ZFHX3: variants seen among roughly 807,000 people sequenced by gnomAD.
ZFHX3 encodes zinc finger homeobox protein 3.
ZFHX3 carries 42 observed loss-of-function variants against 279.1 expected under a neutral mutation model. The observed-to-expected ratio is 0.15, with a 90% confidence interval of 0.12 to 0.19. ZFHX3 has a LOEUF of 0.19. Ranked by LOEUF, ZFHX3 falls within the 10% of genes least tolerant of loss-of-function variation. The probability of loss-of-function intolerance (pLI) is 1.00; values close to 1 mark genes in which losing one functional copy is unlikely to be tolerated. For synonymous variants in ZFHX3, 2,293 were observed against 1,957.8 expected, an observed-to-expected ratio of 1.17 and a Z score of -4.52; for missense variants, 4,981 against 4,754.0, an observed-to-expected ratio of 1.05 and a Z score of -1.40.
At chr16:73,204,871 G>A (rs768492813) in intron 5 of ZFHX3, among the ~76,000 whole-genome samples, 1 of 152,168 alleles carries the variant, frequency 6.6e-6, no homozygotes, top group East Asian at 1.9e-4. Flanking sequence ...AAGGAGTTAG[G>A]CAACTTGCCC....
intron 5 of ZFHX3, among the ~76,000 whole-genome samples, chr16:72,813,435 CATTAAA>C (rs1468343807): frequency 2.0e-5 from 3 of 152,150 alleles, no homozygotes; most frequent in Non-Finnish European, 4.4e-5. Context: ...CAATTTTATT[CATTAAA>C]ATCATAAGGC....
At chr16:73,558,680 C>A (rs1008908928) in intron 2 of ZFHX3, among the ~76,000 whole-genome samples, 3 of 151,566 alleles carry the variant, frequency 2.0e-5, no homozygotes, top group African/African-American at 4.8e-5. Flanking sequence ...CCCCTCCCCC[C>A]ACACGCACAT....
intron 7 of ZFHX3, among the ~76,000 whole-genome samples, chr16:73,128,873 C>T (rs949971348): frequency 4.6e-5 from 7 of 152,146 alleles, no homozygotes; most frequent in African/African-American, 9.7e-5. Flanking sequence ...AAGAGTTTCT[C>T]ATCTATATAA....
At chr16:73,556,288 AG>A (rs1290066692) in intron 2 of ZFHX3, among the ~76,000 whole-genome samples, 1 of 152,196 alleles carries the variant, frequency 6.6e-6, no homozygotes, top group East Asian at 1.9e-4. Flanking sequence ...TAAAGCAACA[AG>A]GATCCGAAGG....
At chr16:73,683,029 GGAGA>G (rs1567550881) in intron 1 of ZFHX3, among the ~76,000 whole-genome samples, 1 of 149,936 alleles carries the variant, frequency 6.7e-6, no homozygotes, top group Non-Finnish European at 1.5e-5. Flanking sequence ...AGGGAGGGAG[GGAGA>G]AGGAAGGAAA....
chr16:73,615,766 CAG>C (rs1226421914), intron 2 of ZFHX3, among the ~76,000 whole-genome samples: 7 of 152,148 alleles, frequency 4.6e-5, no homozygotes, highest in African/African-American at 1.7e-4. Context: ...GATACAGAGA[CAG>C]AACAGGGACT....
chr16:73,522,586 C>A (rs996811497), intron 2 of ZFHX3, among the ~76,000 whole-genome samples: 28 of 152,150 alleles, frequency 1.8e-4, no homozygotes, highest in African/African-American at 6.7e-4. Flanking sequence ...CAGACCATGT[C>A]CAATCCCAGA....
At chr16:73,473,574 G>A (rs982905864) in intron 2 of ZFHX3, among the ~76,000 whole-genome samples, 7 of 152,002 alleles carry the variant, frequency 4.6e-5, no homozygotes, top group Admixed American at 3.9e-4. Context: ...GCTCCACTTC[G>A]GTGCCACCCA....
intron 1 of ZFHX3, among the ~76,000 whole-genome samples, chr16:73,818,649 T>C (rs564356071): frequency 4.6e-5 from 7 of 152,320 alleles, no homozygotes; most frequent in African/African-American, 1.4e-4. Flanking sequence ...TCCCTGCTGA[T>C]GCAATGAAGG....
chr16:73,322,285 T>G (rs955282303), intron 3 of ZFHX3, among the ~76,000 whole-genome samples: 1 of 152,094 alleles, frequency 6.6e-6, no homozygotes, highest in East Asian at 1.9e-4. Flanking sequence ...ATGGCTTTTT[T>G]TTTTTTGCAG....
At chr16:73,043,971 G>A (rs184006241) in intron 1 of ZFHX3, among the ~76,000 whole-genome samples, 56 of 152,240 alleles carry the variant, frequency 3.7e-4, no homozygotes, top group Admixed American at 5.9e-4. Flanking sequence ...TCTCTCCCTC[G>A]GGGCGGTTTG....
chr16:72,921,386 G>A (rs2039579902), intron 3 of ZFHX3, among the ~76,000 whole-genome samples: 2 of 152,194 alleles, frequency 1.3e-5, no homozygotes, highest in African/African-American at 2.4e-5. Flanking sequence ...TCTTCAAAGG[G>A]CATCAGACAC....
intron 1 of ZFHX3, among the ~76,000 whole-genome samples, chr16:73,879,209 A>G (rs2030058700): frequency 6.6e-6 from 1 of 151,300 alleles, no homozygotes; most frequent in Non-Finnish European, 1.5e-5. Flanking sequence ...TTGCTCTGCA[A>G]AAGGTTTTTT....
chr16:72,872,981 C>T (rs1380645580), intron 4 of ZFHX3, among the ~76,000 whole-genome samples: 1 of 152,184 alleles, frequency 6.6e-6, no homozygotes, highest in Admixed American at 6.5e-5. Flanking sequence ...TCTTCTTCCT[C>T]TGTCTCTACT....
At position 73,024,872 on chromosome 16, in the gene ZFHX3, C is replaced by A. The variant is rs559533403; in HGVS notation, c.-50+22880G>T. Among the ~76,000 whole-genome samples, 8 of 152,310 alleles carry A rather than the reference C, an allele frequency of 5.3e-5. No individual in the cohort carries two copies. The South Asian group carries it at 1.2e-3, about 24-fold the overall frequency. Reference sequence around the variant, plus strand: ...GCCGGATCCCACAGCTCAGCGGCTACATGTCCCCCAGAAGGTGGGCCCAGG... The same window carrying A: ...GCCGGATCCCACAGCTCAGCGGCTAAATGTCCCCCAGAAGGTGGGCCCAGG... On this transcript the variant is annotated intron_variant, in intron 1 of 9. Coordinates refer to ENST00000268489, the MANE Select transcript of ZFHX3 (RefSeq NM_006885.4).
intron 5 of ZFHX3, among the ~76,000 whole-genome samples, chr16:73,179,435 G>A (rs1967741314): frequency 6.6e-6 from 1 of 152,064 alleles, no homozygotes; most frequent in African/African-American, 2.4e-5. Context: ...AACAGTTTTG[G>A]TCAAAGGTTA....
In ZFHX3 at chr16:73,872,755, G is replaced by A. The variant is rs1342829018; in HGVS notation, c.-1608+18896C>T. 3.5e-5 allele frequency among the ~76,000 whole-genome samples: 3 copies of A among 85,730 alleles called. No individual in the cohort carries two copies. The East Asian group carries it at 8.6e-4, about 25-fold the overall frequency. 56.2% of individuals were successfully genotyped at this position (85,730 alleles called of 152,430 possible). A position where few individuals can be genotyped will look rare whatever the true frequency, so the allele number is the denominator to read the frequency against. ...TACTCTGGTGGTGGTGGCGGGGGTT[G>A]GTGGTGGTGGTAGCTGGTGGATGGC... On this transcript the variant is annotated intron_variant, in intron 1 of 17. Transcript: ENST00000641206.
At chr16:73,155,898 G>A (rs1967068885) in intron 5 of ZFHX3, among the ~76,000 whole-genome samples, 1 of 151,818 alleles carries the variant, frequency 6.6e-6, no homozygotes, top group Admixed American at 6.6e-5. Context: ...TAGTACATAT[G>A]CATATCATAC....
chr16:73,099,537 C>G (rs1011430454), intron 7 of ZFHX3, among the ~76,000 whole-genome samples: 2 of 151,722 alleles, frequency 1.3e-5, no homozygotes, highest in Non-Finnish European at 2.9e-5. Context: ...ATGGTGAAAC[C>G]CTGTCTTTAC....
Sources: gnomAD v4.1 joint callset for allele counts (sites outside exome capture counted in the v4.1 genomes callset) on GRCh38, gnomAD v4.1.1 for gene constraint, MANE v1.5 for transcripts, NCBI Gene and HGNC (gene_info 2026-07-23, HGNC 2026-07-21) for gene names.